Variants in TMC2 observed in about 807,000 individuals in gnomAD.
TMC2 encodes transmembrane channel-like protein 2.
In TMC2, 102 loss-of-function variants were observed where a neutral mutation model predicts 105.9. That is an observed-to-expected ratio of 0.96 (90% confidence interval 0.82 to 1.14). The LOEUF is 1.14. TMC2 is among the 50% of genes most tolerant of loss of function. The probability of loss-of-function intolerance (pLI) is 0.00; values close to 1 mark genes in which losing one functional copy is unlikely to be tolerated. For synonymous variants in TMC2, 402 were observed against 422.8 expected (o/e 0.95, Z 0.60); for missense variants, 1,093 against 1,134.3 (o/e 0.96, Z 0.52).
intron 10 of TMC2, among the ~76,000 whole-genome samples, chr20:2,598,256 G>A (rs2146217012): frequency 6.6e-6 from 1 of 151,898 alleles, no homozygotes; most frequent in South Asian, 2.1e-4. Context: ...GAGAGAAAGG[G>A]AGACAGAGTG....
chr20:2,550,440 G>A (rs1472776858), intron 2 of TMC2, among the ~76,000 whole-genome samples: 3 of 152,072 alleles, frequency 2.0e-5, no homozygotes, highest in Middle Eastern at 3.2e-3. Context: ...CTAGCATGTC[G>A]CATTGGGTGT....
intron 12 of TMC2, among the ~76,000 whole-genome samples, chr20:2,611,886 G>GA (rs746229522): frequency 1.1e-5 from 1 of 87,442 alleles, no homozygotes; most frequent in African/African-American, 4.4e-5. Context: ...GGGTGGGTGG[G>GA]TGGATGGATG....
intron 19 of TMC2, 119 bp downstream of exon 19, chr20:2,637,710 T>C (rs2086658892): frequency 5.5e-6 from 4 of 723,370 alleles, no homozygotes; most frequent in Non-Finnish European, 9.2e-6. Context: ...TAACAATTAT[T>C]AGCTTATGAA....
rs536271603 is a variant in TMC2 at position 2,570,787 on chromosome 20, G to C, written c.555-1392G>C. 1.8e-4 allele frequency among the ~76,000 whole-genome samples: 28 copies of C among 152,136 alleles called. No homozygotes were observed. In the South Asian group the frequency reaches 2.7e-3, roughly 15 times the overall value. Reference sequence around the variant, plus strand: ...ACAGTAACGAAAACAGCACAGTACTGGTACAAAAACAGACACATAGACCAA... The same window carrying C: ...ACAGTAACGAAAACAGCACAGTACTCGTACAAAAACAGACACATAGACCAA... On this transcript the variant is annotated intron_variant, in intron 4 of 19. Coordinates refer to ENST00000358864, the MANE Select transcript of TMC2 (RefSeq NM_080751.3).
intron 2 of TMC2, among the ~76,000 whole-genome samples, chr20:2,553,677 G>A (rs1360429397): frequency 2.0e-5 from 3 of 152,186 alleles, no homozygotes; most frequent in African/African-American, 7.2e-5. Flanking sequence ...AAAATCACCA[G>A]TGAAATCATC....
chr20:2,600,096 T>C (rs6037080), intron 10 of TMC2, among the ~76,000 whole-genome samples: 4,344 of 152,096 alleles, frequency 0.029, 219 homozygotes, highest in African/African-American at 0.097. Flanking sequence ...AGGGTAGGGG[T>C]GACTGGGGGC....
chr20:2,586,664 C>G (rs1237596455), intron 7 of TMC2, among the ~76,000 whole-genome samples: 1 of 152,126 alleles, frequency 6.6e-6, no homozygotes, highest in African/African-American at 2.4e-5. Context: ...TGAGAACTCA[C>G]TTATCACCAA....
chr20:2,597,091 C>T, intron 9 of TMC2, 60 bp from the exon 10 acceptor site: 11 of 1,573,448 alleles, frequency 7.0e-6, no homozygotes, highest in Non-Finnish European at 9.6e-6. Context: ...GGCCAAGGTT[C>T]CCTGGGGGTG....
In TMC2 at chr20:2,624,310, T is replaced by C; in HGVS notation, c.2220T>C (p.Ile740=). The C allele has an allele frequency of 6.2e-7, 1 of 1,614,214 alleles. No homozygotes were observed. Among genetic ancestry groups the C allele is most frequent in the Non-Finnish European group, 8.5e-7 (1 of 1,180,026 alleles). Reference sequence around the variant, plus strand: ...TGTACGATGTCCTCCAAGAGACCATTGAAAACGATTTCCCAACCTTCCTGG... The same window carrying C: ...TGTACGATGTCCTCCAAGAGACCATCGAAAACGATTTCCCAACCTTCCTGG... The part of the protein sequence containing the change: ...NRMYDVLQET[I]ENDFPTFLGK... The change falls in exon 17 of 20, where the codon ATT becomes ATC. Residue 740 remains isoleucine, a synonymous_variant. Transcript: ENST00000358864.
intron 10 of TMC2, among the ~76,000 whole-genome samples, chr20:2,599,467 T>C (rs6115126): frequency 0.3 from 44,708 of 150,750 alleles, 6,900 homozygotes; most frequent in African/African-American, 0.37. Flanking sequence ...TGCTGAAGCA[T>C]TGTACATTGT....
chr20:2,587,244 G>C (rs1439044509), intron 7 of TMC2, among the ~76,000 whole-genome samples: 1 of 151,856 alleles, frequency 6.6e-6, no homozygotes, highest in Non-Finnish European at 1.5e-5. Flanking sequence ...TATTATTTTT[G>C]TTTTATATAT....
At chr20:2,540,987 G>A (rs770700874) in intron 2 of TMC2, among the ~76,000 whole-genome samples, 3 of 151,994 alleles carry the variant, frequency 2.0e-5, no homozygotes, top group Admixed American at 2.0e-4. Flanking sequence ...TGCCTTGGAC[G>A]CCTATGCCCC....
At chr20:2,635,893 CG>C in intron 17 of TMC2, 32 bp from the exon 18 acceptor site, 2 of 1,570,960 alleles carry the variant, frequency 1.3e-6, no homozygotes, top group Non-Finnish European at 1.8e-6. Flanking sequence ...GCCAAGATCA[CG>C]GGACCATAGG....
At position 2,628,109 on chromosome 20, in the gene TMC2, A is replaced by C. The variant is rs11906048; in HGVS notation, c.2306+3713A>C. Among the ~76,000 whole-genome samples, 462 of 151,840 alleles carry C rather than the reference A, an allele frequency of 3.0e-3. 4 individuals carry two copies. The highest frequency in any genetic ancestry group is 0.01 in the African/African-American group (426 of 41,366). ...CTTGAACCCAGGAGGCAGAGGTTGC[A>C]GTGAGCCAAGATCATGCCACTGCAC... is the stretch of plus-strand genomic sequence containing the variant. On this transcript the variant is annotated intron_variant, in intron 17 of 19. Coordinates refer to ENST00000358864, the MANE Select transcript of TMC2 (RefSeq NM_080751.3).
At chr20:2,623,600 GGGATCAA>G (rs1273829455) in intron 16 of TMC2, among the ~76,000 whole-genome samples, 3 of 151,900 alleles carry the variant, frequency 2.0e-5, no homozygotes, top group African/African-American at 7.3e-5. Flanking sequence ...TGATAAATGG[GGGATCAA>G]GGATTTAAAC....
At chr20:2,613,477 T>A in intron 14 of TMC2, 155 bp downstream of exon 14, 1 of 1,108,948 alleles carries the variant, frequency 9.0e-7, no homozygotes, top group Middle Eastern at 2.0e-4. Flanking sequence ...TTGTATTTCC[T>A]TTAAGGGTCC....
Position 2,636,005 on chromosome 20 carries a change from G to GT in TMC2, c.2385+2dup. On this transcript the variant is annotated splice_donor_variant, in intron 18 of 19. Transcript: ENST00000358864. LOFTEE classifies it high-confidence loss of function. ...CCAGCTGAGGAAGAAAATCCAAGTG[G>GT]TGAGTCTGTTGGGAGTTTCATCCTG... 6.2e-7 allele frequency: 1 copy of GT among 1,613,626 alleles called. No homozygotes were observed. The highest frequency in any genetic ancestry group is 8.5e-7 in the Non-Finnish European group (1 of 1,179,512).
chr20:2,562,020 C>T lies in TMC2; in HGVS notation c.554+10C>T. ...AGCTGACAGAGCTCAGGTGAGCAGG[C>T]TGCGGGTCAGCCAGGGCCTTCCGAT... On this transcript the variant is annotated intron_variant, in intron 4 of 19. Coordinates refer to ENST00000358864, the MANE Select transcript of TMC2 (RefSeq NM_080751.3). The T allele has an allele frequency of 6.2e-7, 1 of 1,612,140 alleles. No homozygotes were observed. The highest frequency in any genetic ancestry group is 8.5e-7 in the Non-Finnish European group (1 of 1,179,086).
intron 13 of TMC2, among the ~76,000 whole-genome samples, 187 bp from the exon 14 acceptor site, chr20:2,613,007 T>C (rs988451359): frequency 2.0e-5 from 3 of 152,226 alleles, no homozygotes; most frequent in Non-Finnish European, 4.4e-5. Flanking sequence ...AATGTGGAGC[T>C]GGGACCTAAA....
Sources: gnomAD v4.1 joint callset for allele counts (sites outside exome capture counted in the v4.1 genomes callset) on GRCh38, gnomAD v4.1.1 for gene constraint, MANE v1.5 for transcripts, NCBI Gene and HGNC (gene_info 2026-07-23, HGNC 2026-07-21) for gene names.